Variants in BBS9 observed in about 807,000 individuals in gnomAD.
BBS9 encodes protein PTHB1.
A neutral mutation model predicts 117.7 loss-of-function variants in BBS9; 89 were observed. The ratio of observed to expected loss-of-function variants is 0.76; its 90% CI spans 0.64 to 0.90. The LOEUF is 0.90. Among genes scored for constraint, BBS9 ranks in the 40% least tolerant of loss-of-function variants. The probability of loss-of-function intolerance (pLI) is 0.00; values close to 1 mark genes in which losing one functional copy is unlikely to be tolerated. For missense variants in BBS9, 982 were observed against 1,042.2 expected (o/e 0.94, Z 0.80); for synonymous variants, 379 against 370.9 (o/e 1.02, Z -0.25).
At chr7:33,324,609 T>C (rs892091117) in intron 9 of BBS9, among the ~76,000 whole-genome samples, 2 of 152,024 alleles carry the variant, frequency 1.3e-5, no homozygotes. Context: ...CATTTTTTTT[T>C]TTTTTTTCCA....
At chr7:33,194,701 A>C (rs1784666852) in intron 5 of BBS9, among the ~76,000 whole-genome samples, 2 of 152,194 alleles carry the variant, frequency 1.3e-5, no homozygotes, top group Non-Finnish European at 2.9e-5. Flanking sequence ...TAAACTGTGT[A>C]AGTGTTTTAA....
chr7:33,417,792 A>C (rs1028305389), intron 19 of BBS9, among the ~76,000 whole-genome samples: 1 of 152,204 alleles, frequency 6.6e-6, no homozygotes, highest in Non-Finnish European at 1.5e-5. Flanking sequence ...CCATTCAGCC[A>C]AGTTCATTGG....
chr7:33,289,846 A>G (rs986412220), intron 9 of BBS9, among the ~76,000 whole-genome samples: 7 of 152,138 alleles, frequency 4.6e-5, no homozygotes, highest in African/African-American at 1.7e-4. Context: ...GATCAGGACC[A>G]TCCTGGCCAA....
intron 19 of BBS9, among the ~76,000 whole-genome samples, chr7:33,496,329 C>T (rs569798901): frequency 6.6e-6 from 1 of 152,114 alleles, no homozygotes; most frequent in East Asian, 1.9e-4. Flanking sequence ...CATGGTGAAA[C>T]TCTGTCTCTA....
At chr7:33,591,866 CCATCAT>C (rs138958813) in intron 21 of BBS9, among the ~76,000 whole-genome samples, 3 of 151,080 alleles carry the variant, frequency 2.0e-5, no homozygotes, top group Non-Finnish European at 3.0e-5. Context: ...GCCGTCGTCG[CCATCAT>C]CATCATCATC....
At chr7:33,630,520 A>G (rs1044146339) in intron 21 of BBS9, among the ~76,000 whole-genome samples, 5 of 152,186 alleles carry the variant, frequency 3.3e-5, no homozygotes, top group African/African-American at 1.2e-4. Context: ...TTAAGGATCA[A>G]ACTCTCTCCT....
At chr7:33,430,805 G>C (rs1029527375) in intron 19 of BBS9, among the ~76,000 whole-genome samples, 4 of 152,182 alleles carry the variant, frequency 2.6e-5, no homozygotes, top group African/African-American at 4.8e-5. Flanking sequence ...CCTCTCCCTT[G>C]TTGGCTGTTT....
chr7:33,527,738 G>C (rs1849855614), intron 20 of BBS9, among the ~76,000 whole-genome samples: 1 of 152,200 alleles, frequency 6.6e-6, no homozygotes, highest in Non-Finnish European at 1.5e-5. Context: ...GCTGTAGACC[G>C]GAGCTGTTTC....
At chr7:33,314,356 T>G (rs1460269694) in intron 9 of BBS9, 1 of 380,704 alleles carries the variant, frequency 2.6e-6, no homozygotes, top group Non-Finnish European at 5.1e-6. Flanking sequence ...AATACTTGCC[T>G]TCTTGGCATT....
chr7:33,441,670 G>A (rs1286858337), intron 19 of BBS9, among the ~76,000 whole-genome samples: 1 of 152,064 alleles, frequency 6.6e-6, no homozygotes, highest in Non-Finnish European at 1.5e-5. Context: ...ATGTTTGCAT[G>A]GTTGTTAACC....
At chr7:33,498,043 A>C (rs961858650) in intron 19 of BBS9, among the ~76,000 whole-genome samples, 1 of 152,202 alleles carries the variant, frequency 6.6e-6, no homozygotes, top group Non-Finnish European at 1.5e-5. Flanking sequence ...GATGTTCACT[A>C]GCTTTTACCG....
intron 9 of BBS9, among the ~76,000 whole-genome samples, chr7:33,313,844 C>T (rs1809857504): frequency 6.6e-6 from 1 of 152,128 alleles, no homozygotes; most frequent in Admixed American, 6.5e-5. Context: ...CAAATTGCAC[C>T]TTAAAAATTA....
intron 19 of BBS9, among the ~76,000 whole-genome samples, chr7:33,458,723 T>A (rs1255773762): frequency 6.6e-6 from 1 of 152,164 alleles, no homozygotes; most frequent in Admixed American, 6.6e-5. Flanking sequence ...ACACTGCACT[T>A]CTTTTCAAAT....
chr7:33,553,101 C>T (rs1320568405), intron 21 of BBS9, among the ~76,000 whole-genome samples: 1 of 152,196 alleles, frequency 6.6e-6, no homozygotes, highest in Non-Finnish European at 1.5e-5. Context: ...CACACTGTCT[C>T]ACTGGCTGAC....
At chr7:33,354,050 A>T (rs78738403) in intron 15 of BBS9, among the ~76,000 whole-genome samples, 1 of 152,252 alleles carries the variant, frequency 6.6e-6, no homozygotes, top group African/African-American at 2.4e-5. Flanking sequence ...TTGTTCAAAG[A>T]AATTTATTCC....
At chr7:33,290,904 T>C (rs1803916341) in intron 9 of BBS9, among the ~76,000 whole-genome samples, 1 of 152,176 alleles carries the variant, frequency 6.6e-6, no homozygotes, top group Non-Finnish European at 1.5e-5. Flanking sequence ...TTGCCAGAAA[T>C]GGAAATGTGT....
chr7:33,352,050 G>A (rs1190496513), intron 14 of BBS9: 1 of 152,874 alleles, frequency 6.5e-6, no homozygotes, highest in Non-Finnish European at 1.5e-5. Context: ...AAGCCTGAAG[G>A]TAAGATTTCA....
At chr7:33,357,082 T>C (rs1304463125) in intron 15 of BBS9, among the ~76,000 whole-genome samples, 1 of 151,786 alleles carries the variant, frequency 6.6e-6, no homozygotes, top group Non-Finnish European at 1.5e-5. Flanking sequence ...TCTGTAAAAA[T>C]ATTGAAAATG....
chr7:33,402,158 T>G (rs1193509883), intron 19 of BBS9, among the ~76,000 whole-genome samples: 1 of 152,062 alleles, frequency 6.6e-6, no homozygotes, highest in Non-Finnish European at 1.5e-5. Flanking sequence ...TTATCTGTGG[T>G]TTTTATTTGT....
Sources: gnomAD v4.1 joint callset for allele counts (sites outside exome capture counted in the v4.1 genomes callset) on GRCh38, gnomAD v4.1.1 for gene constraint, MANE v1.5 for transcripts, NCBI Gene and HGNC (gene_info 2026-07-23, HGNC 2026-07-21) for gene names.